MAP3K15: variants seen among roughly 807,000 people sequenced by gnomAD.
MAP3K15 encodes MAPK/ERK kinase kinase 15.
Under a neutral mutation model 99.5 loss-of-function variants are expected in MAP3K15, and 124 were observed. The ratio of observed to expected loss-of-function variants is 1.25; its 90% CI spans 1.08 to 1.45. The LOEUF (loss-of-function observed/expected upper bound fraction) is 1.45. Ranked by LOEUF, MAP3K15 falls within the 40% of genes most tolerant of loss-of-function variation. The pLI, the probability that MAP3K15 is intolerant of heterozygous loss-of-function variation, is 0.00. For synonymous variants in MAP3K15, 494 were observed against 439.6 expected (o/e 1.12, Z -1.55); for missense variants, 1,242 against 1,079.7 (o/e 1.15, Z -2.11).
chrX:19,372,896 G>A, intron 21 of MAP3K15, 69 bp from the exon 22 acceptor site: 4 of 1,064,227 alleles, frequency 3.8e-6, no homozygotes, highest in Non-Finnish European at 5.1e-6. Context: ...TGTCATGTTA[G>A]GACGCCCTGG....
intron 6 of MAP3K15, among the ~76,000 whole-genome samples, chrX:19,445,872 G>A (rs2063993750): frequency 1.8e-5 from 2 of 108,710 alleles, no homozygotes; most frequent in African/African-American, 6.7e-5. Context: ...GCTCGAACCC[G>A]GGAGGCAGAG....
intron 11 of MAP3K15, among the ~76,000 whole-genome samples, chrX:19,412,912 T>A (rs1316905710): frequency 9.2e-6 from 1 of 108,548 alleles, no homozygotes; most frequent in Non-Finnish European, 1.9e-5. Context: ...TTTTTTAAAT[T>A]TATTTTTTAT....
intron 1 of MAP3K15, 81 bp from the exon 2 acceptor site, chrX:19,489,048 G>GATGAAGTAGACAGATCAT: frequency 1.1e-6 from 1 of 917,744 alleles, no homozygotes; most frequent in Non-Finnish European, 1.5e-6. Flanking sequence ...CCAGTGAGGA[G>GATGAAGTAGACAGATCAT]CTATAGCAAT....
At chrX:19,404,656 A>G (rs915813378) in intron 13 of MAP3K15, among the ~76,000 whole-genome samples, 1 of 112,251 alleles carries the variant, frequency 8.9e-6, no homozygotes, top group Admixed American at 9.5e-5. Context: ...GAATAGACAT[A>G]CAAAACAATG....
At position 19,432,058 on chromosome X, in the gene MAP3K15, T is replaced by C. The variant is rs149149881; in HGVS notation, c.996-450A>G. ...AGAAAAATTATTTCTAAATAATAGT[T>C]TTCATTTTCCAATGTAGCCACTGCT... On this transcript the variant is annotated intron_variant, in intron 6 of 28. Coordinates refer to ENST00000338883, the MANE Select transcript of MAP3K15 (RefSeq NM_001001671.4). 9.8e-3 allele frequency among the ~76,000 whole-genome samples: 1,078 copies of C among 109,817 alleles called. 5 individuals carry two copies. Among genetic ancestry groups the C allele is most frequent in the Middle Eastern group, 0.023 (5 of 214 alleles).
chrX:19,406,552 C>T (rs1334180845), intron 13 of MAP3K15, among the ~76,000 whole-genome samples: 1 of 112,155 alleles, frequency 8.9e-6, no homozygotes, highest in Non-Finnish European at 1.9e-5. Flanking sequence ...TAATGGTTAC[C>T]TAGGGCTGGG....
intron 12 of MAP3K15, among the ~76,000 whole-genome samples, chrX:19,407,855 G>A (rs1363476607): frequency 1.8e-5 from 2 of 112,291 alleles, no homozygotes; most frequent in African/African-American, 6.5e-5. Flanking sequence ...CAGGAAATCT[G>A]CTAGTAGATT....
At chrX:19,397,261 T>C (rs147053061) in intron 15 of MAP3K15, among the ~76,000 whole-genome samples, 1,167 of 111,266 alleles carry the variant, frequency 0.01, 11 homozygotes, top group African/African-American at 0.036. Flanking sequence ...GCAGTACTCA[T>C]GGTAGAAAAA....
chrX:19,428,928 C>A (rs1378545929), intron 7 of MAP3K15, among the ~76,000 whole-genome samples: 1 of 110,729 alleles, frequency 9.0e-6, no homozygotes, highest in African/African-American at 3.3e-5. Flanking sequence ...GAGATCACAC[C>A]ACTGCACTCC....
intron 15 of MAP3K15, among the ~76,000 whole-genome samples, chrX:19,395,414 A>T (rs2063561494): frequency 8.9e-6 from 1 of 112,264 alleles, no homozygotes; most frequent in South Asian, 3.7e-4. Flanking sequence ...GGGCCAAGGC[A>T]TGTCCATTTC....
chrX:19,417,769 T>G (rs2063748656), intron 9 of MAP3K15, among the ~76,000 whole-genome samples: 5 of 111,980 alleles, frequency 4.5e-5, no homozygotes, highest in Non-Finnish European at 9.4e-5. Context: ...GACCCCCAAG[T>G]AGCCTAACTG....
At chrX:19,421,941 A>C (rs900493562) in intron 9 of MAP3K15, among the ~76,000 whole-genome samples, 13 of 110,432 alleles carry the variant, frequency 1.2e-4, no homozygotes, top group Admixed American at 7.7e-4. Context: ...AGGAGTCCCT[A>C]TTTAATAAAT....
At chrX:19,363,804 C>A (rs993203654) in intron 25 of MAP3K15, among the ~76,000 whole-genome samples, 5 of 110,870 alleles carry the variant, frequency 4.5e-5, no homozygotes, top group African/African-American at 1.3e-4. Flanking sequence ...AGGCATGCGC[C>A]ACCATGCATG....
chrX:19,422,155 G>A (rs760218512), intron 9 of MAP3K15, among the ~76,000 whole-genome samples: 1,818 of 109,608 alleles, frequency 0.017, 48 homozygotes, highest in African/African-American at 0.058. Flanking sequence ...AAAAGCAATG[G>A]CAACAAAAGC....
chrX:19,413,414 T>C lies in MAP3K15; in HGVS notation c.1641A>G (p.Ile547Met). 1 of 1,209,324 alleles carries C rather than the reference T, an allele frequency of 8.3e-7. No individual in the cohort carries two copies. The change falls in exon 11 of 29, where the codon ATA becomes ATG. Residue 547 changes from isoleucine (I) to methionine (M), a missense_variant. Ile to Met is a conservative substitution (Grantham distance 10). Transcript: ENST00000338883. Reference protein sequence around the residue: ...TKVYQPSYVSINNEAEERTVS... With the variant: ...TKVYQPSYVSMNNEAEERTVS... ...CTGTTCTCTCCTCGGCTTCATTGTT[T>C]ATGGAAACATAAGAAGGCTGGTACA...
chrX:19,482,568 C>T (rs2064298481), intron 3 of MAP3K15, among the ~76,000 whole-genome samples: 1 of 111,761 alleles, frequency 8.9e-6, no homozygotes, highest in African/African-American at 3.3e-5. Flanking sequence ...AGACAAAAAG[C>T]AGATTAGTTC....
chrX:19,362,946 A>G (rs1602239291), intron 25 of MAP3K15, 96 bp from the exon 26 acceptor site: 2 of 474,045 alleles, frequency 4.2e-6, no homozygotes, highest in Non-Finnish European at 7.2e-6. Flanking sequence ...TTAGAGATGG[A>G]AAAAAAATGG....
chrX:19,463,114 A>G (rs940575632), intron 4 of MAP3K15, among the ~76,000 whole-genome samples: 1 of 112,045 alleles, frequency 8.9e-6, no homozygotes, highest in Non-Finnish European at 1.9e-5. Flanking sequence ...CAATCAGACA[A>G]CAGTTAGCAA....
At chrX:19,505,665 G>A (rs988508614) in intron 1 of MAP3K15, among the ~76,000 whole-genome samples, 2 of 111,295 alleles carry the variant, frequency 1.8e-5, no homozygotes, top group Admixed American at 1.9e-4. Flanking sequence ...ATGGTAGTAA[G>A]GATGAGTCTA....
Sources: allele counts gnomAD v4.1 joint callset (sites outside exome capture counted in the v4.1 genomes callset), GRCh38; gene constraint gnomAD v4.1.1; transcripts MANE v1.5; gene names NCBI Gene and HGNC (gene_info 2026-07-23, HGNC 2026-07-21).